HCN1: variants seen among roughly 807,000 people sequenced by gnomAD.
HCN1 encodes potassium/sodium hyperpolarization-activated cyclic nucleotide-gated channel 1.
HCN1 carries 13 observed loss-of-function variants against 78.9 expected under a neutral mutation model. That is an observed-to-expected ratio of 0.16 (90% CI 0.11 to 0.26). The LOEUF is 0.26. HCN1 is among the 10% of genes least tolerant of loss of function. HCN1 has a pLI of 1.00. For missense variants in HCN1, 810 were observed against 1,154.3 expected, an observed-to-expected ratio of 0.70 and a Z score of 4.32; for synonymous variants, 552 against 455.5, an observed-to-expected ratio of 1.21 and a Z score of -2.70.
At chr5:45,478,332 T>G (rs922588980) in intron 2 of HCN1, among the ~76,000 whole-genome samples, 1 of 152,142 alleles carries the variant, frequency 6.6e-6, no homozygotes, top group South Asian at 2.1e-4. Context: ...AAAAGGGGCA[T>G]AGACAATAGA....
At chr5:45,541,516 T>G (rs1325486243) in intron 2 of HCN1, among the ~76,000 whole-genome samples, 1 of 152,194 alleles carries the variant, frequency 6.6e-6, no homozygotes, top group African/African-American at 2.4e-5. Flanking sequence ...TTTCATTGAA[T>G]CTTGAACTTG....
At chr5:45,336,621 C>A (rs978224108) in intron 5 of HCN1, among the ~76,000 whole-genome samples, 9 of 151,996 alleles carry the variant, frequency 5.9e-5, no homozygotes, top group South Asian at 4.2e-4. Flanking sequence ...CTAGGTAGAA[C>A]CGGTGTAGCA....
At chr5:45,625,749 AAT>A (rs1745152274) in intron 2 of HCN1, among the ~76,000 whole-genome samples, 2 of 152,298 alleles carry the variant, frequency 1.3e-5, no homozygotes, top group African/African-American at 4.8e-5. Context: ...TCAAAATTGT[AAT>A]GAGCTAAGCT....
intron 6 of HCN1, among the ~76,000 whole-genome samples, chr5:45,277,893 A>T (rs1483687265): frequency 6.6e-6 from 1 of 152,112 alleles, no homozygotes; most frequent in Non-Finnish European, 1.5e-5. Context: ...ATCAGAGTGC[A>T]TGAGTTGTGA....
In HCN1 at chr5:45,610,102, G is replaced by A. The variant is rs138545238; in HGVS notation, c.849+35083C>T. ...CTGAGAGGATAAGGTTTGTGTTATA[G>A]AAGAGCTTAGCAGTAATATAGAGGG... On this transcript the variant is annotated intron_variant, in intron 2 of 7. Coordinates refer to ENST00000303230, the MANE Select transcript of HCN1 (RefSeq NM_021072.4). 7.7e-3 allele frequency among the ~76,000 whole-genome samples: 1,170 copies of A among 152,254 alleles called. 11 individuals are homozygous for A. Among genetic ancestry groups the A allele is most frequent in the Middle Eastern group, 0.01 (3 of 292 alleles).
At chr5:45,610,879 T>C (rs1413936019) in intron 2 of HCN1, among the ~76,000 whole-genome samples, 1 of 152,028 alleles carries the variant, frequency 6.6e-6, no homozygotes, top group Non-Finnish European at 1.5e-5. Flanking sequence ...TAAGACTCTT[T>C]TTATCTAGAA....
intron 3 of HCN1, among the ~76,000 whole-genome samples, chr5:45,407,454 T>C (rs1739946649): frequency 6.6e-6 from 1 of 152,196 alleles, no homozygotes; most frequent in Non-Finnish European, 1.5e-5. Flanking sequence ...TTTCAACTTA[T>C]ACAAAAATAA....
chr5:45,312,346 G>A (rs62367526), intron 5 of HCN1, among the ~76,000 whole-genome samples: 2 of 152,136 alleles, frequency 1.3e-5, no homozygotes, highest in East Asian at 1.9e-4. Context: ...TGGTTGACAC[G>A]ATGTCTATTT....
intron 2 of HCN1, among the ~76,000 whole-genome samples, chr5:45,472,515 G>A (rs1401547384): frequency 1.3e-5 from 2 of 149,382 alleles, no homozygotes; most frequent in Non-Finnish European, 3.0e-5. Context: ...CAAGATGGAG[G>A]GAGGAAGGGA....
intron 2 of HCN1, among the ~76,000 whole-genome samples, chr5:45,495,561 C>T (rs906362252): frequency 3.3e-5 from 5 of 152,272 alleles, no homozygotes; most frequent in African/African-American, 7.2e-5. Context: ...GACAATTTGA[C>T]TTCCTCTTTT....
chr5:45,443,850 T>C (rs1054379951), intron 3 of HCN1, among the ~76,000 whole-genome samples: 1 of 152,040 alleles, frequency 6.6e-6, no homozygotes, highest in Non-Finnish European at 1.5e-5. Context: ...TAAAGACAAA[T>C]AGAATCAATA....
At chr5:45,695,646 G>C (rs779985525) in intron 1 of HCN1, 23 bp downstream of exon 1, 33 of 1,606,896 alleles carry the variant, frequency 2.1e-5, no homozygotes, top group Non-Finnish European at 2.5e-5. Context: ...AGGGAGGGTG[G>C]GGCGGCGACC....
chr5:45,671,695 T>C (rs930839123), intron 1 of HCN1, among the ~76,000 whole-genome samples: 39 of 151,532 alleles, frequency 2.6e-4, no homozygotes, highest in African/African-American at 9.4e-4. Context: ...TGTATAACTA[T>C]TTATAGTTCA....
chr5:45,347,930 G>A (rs1746785133), intron 5 of HCN1, among the ~76,000 whole-genome samples: 1 of 152,174 alleles, frequency 6.6e-6, no homozygotes, highest in Non-Finnish European at 1.5e-5. Flanking sequence ...AACCAAGTTG[G>A]AAAACACTCT....
chr5:45,438,271 G>C (rs1463298931), intron 3 of HCN1, among the ~76,000 whole-genome samples: 1 of 152,088 alleles, frequency 6.6e-6, no homozygotes, highest in Non-Finnish European at 1.5e-5. Flanking sequence ...ATTGAAAGTA[G>C]AGTCCCATGT....
chr5:45,383,673 C>G (rs940061354), intron 4 of HCN1, among the ~76,000 whole-genome samples: 1 of 151,432 alleles, frequency 6.6e-6, no homozygotes, highest in Non-Finnish European at 1.5e-5. Context: ...GAGCTGAGAT[C>G]GTGCTCACCA....
intron 4 of HCN1, among the ~76,000 whole-genome samples, chr5:45,375,749 T>C (rs1320949552): frequency 8.8e-6 from 1 of 113,442 alleles, no homozygotes; most frequent in Non-Finnish European, 1.6e-5. Context: ...ATCTTATATA[T>C]AATATCATAT....
At chr5:45,570,546 G>A (rs754609223) in intron 2 of HCN1, among the ~76,000 whole-genome samples, 6 of 152,090 alleles carry the variant, frequency 3.9e-5, no homozygotes, top group Non-Finnish European at 7.4e-5. Context: ...TTTACACAGA[G>A]GACGCAGAAT....
chr5:45,607,462 A>G (rs1744745742), intron 2 of HCN1, among the ~76,000 whole-genome samples: 2 of 151,578 alleles, frequency 1.3e-5, no homozygotes, highest in African/African-American at 4.8e-5. Flanking sequence ...GATTTATTCC[A>G]GGAATGTAAA....
Sources: allele counts gnomAD v4.1 joint callset (sites outside exome capture counted in the v4.1 genomes callset), GRCh38; gene constraint gnomAD v4.1.1; transcripts MANE v1.5; gene names NCBI Gene and HGNC (gene_info 2026-07-23, HGNC 2026-07-21).